NFIB: variants seen among roughly 807,000 people sequenced by gnomAD.
The protein encoded by NFIB is nuclear factor I B.
In NFIB, 11 loss-of-function variants were observed where a neutral mutation model predicts 61.5. The observed-to-expected ratio is 0.18, with a 90% CI of 0.11 to 0.30. The LOEUF (loss-of-function observed/expected upper bound fraction) is 0.30. Among genes scored for constraint, NFIB ranks in the 10% least tolerant of loss-of-function variants. The pLI, the probability that NFIB is intolerant of heterozygous loss-of-function variation, is 1.00. For missense variants in NFIB, 471 were observed against 608.9 expected (o/e 0.77, Z 2.38); for synonymous variants, 260 against 216.5 (o/e 1.20, Z -1.76).
chr9:14,291,517 T>C (rs998137318), intron 2 of NFIB, among the ~76,000 whole-genome samples: 2 of 152,200 alleles, frequency 1.3e-5, no homozygotes, highest in Non-Finnish European at 2.9e-5. Context: ...CATTGAAAGT[T>C]GCTTTTTGAA....
chr9:14,123,948 G>A (rs1436182963), intron 7 of NFIB, among the ~76,000 whole-genome samples: 2 of 151,984 alleles, frequency 1.3e-5, no homozygotes, highest in Non-Finnish European at 2.9e-5. Context: ...TCACACTTTA[G>A]CTCAGAACAC....
intron 8 of NFIB, 76 bp from the exon 9 acceptor site, chr9:14,116,422 A>G (rs1008950879): frequency 6.6e-6 from 9 of 1,369,652 alleles, no homozygotes; most frequent in Non-Finnish European, 4.8e-6. Context: ...CACTCAGCAC[A>G]CACGACTGTG....
At chr9:14,291,894 GT>G in intron 2 of NFIB, among the ~76,000 whole-genome samples, 1 of 151,574 alleles carries the variant, frequency 6.6e-6, no homozygotes, top group East Asian at 1.9e-4. Context: ...GGTCCTTTCT[GT>G]TTTTCAACCA....
At chr9:14,509,590 A>C in the NFIB span, among the ~76,000 whole-genome samples, 1 of 152,236 alleles carries the variant, frequency 6.6e-6, no homozygotes, top group Non-Finnish European at 1.5e-5. Flanking sequence ...TGTAGGGAGC[A>C]AACGTATCAA....
chr9:14,527,167 C>T, the NFIB span, among the ~76,000 whole-genome samples: 2 of 151,812 alleles, frequency 1.3e-5, no homozygotes, highest in Non-Finnish European at 2.9e-5. Flanking sequence ...AAATGCAACA[C>T]TAAAGAACAT....
intron 1 of NFIB, among the ~76,000 whole-genome samples, chr9:14,393,146 G>C (rs974287666): frequency 7.9e-5 from 12 of 151,870 alleles, no homozygotes; most frequent in African/African-American, 2.9e-4. Flanking sequence ...TGTAGAGCTC[G>C]GTAATGTTCC....
chr9:14,353,456 T>A (rs950464483), intron 1 of NFIB, among the ~76,000 whole-genome samples: 2 of 152,078 alleles, frequency 1.3e-5, no homozygotes, highest in Admixed American at 1.3e-4. Flanking sequence ...GAGAGGGGTC[T>A]CTGAACTGCT....
At chr9:14,413,462 T>C in the NFIB span, among the ~76,000 whole-genome samples, 1 of 152,280 alleles carries the variant, frequency 6.6e-6, no homozygotes, top group South Asian at 2.1e-4. Context: ...TGATTTCAGA[T>C]CCCTTATTGG....
chr9:14,427,207 A>ATGCC, the NFIB span, among the ~76,000 whole-genome samples: 1 of 152,178 alleles, frequency 6.6e-6, no homozygotes, highest in Non-Finnish European at 1.5e-5. Context: ...GGCAAAGATA[A>ATGCC]TACATTGTTC....
rs201815190 is a variant in NFIB, at chr9:14,234,516, C to T, written c.563-54736G>A. On this transcript the variant is annotated intron_variant, in intron 2 of 10. Transcript: ENST00000380953. ...TCCTGAGTAGCTGGGATTACAGGCA[C>T]GCACCACCACGCCCAGCTAATTTTT... 4.6e-5 allele frequency among the ~76,000 whole-genome samples: 7 copies of T among 151,856 alleles called. No homozygotes were observed. In the East Asian group the frequency reaches 1.2e-3, roughly 25 times the overall value.
At chr9:14,407,303 A>G in the NFIB span, among the ~76,000 whole-genome samples, 1 of 152,238 alleles carries the variant, frequency 6.6e-6, no homozygotes, top group Non-Finnish European at 1.5e-5. Flanking sequence ...AGTCAATAAT[A>G]AAGTCCATAA....
chr9:14,369,395 A>C (rs1044747239), intron 1 of NFIB, among the ~76,000 whole-genome samples: 1 of 152,184 alleles, frequency 6.6e-6, no homozygotes, highest in Non-Finnish European at 1.5e-5. Context: ...TGTATCATTA[A>C]AAGTCATTTG....
intron 2 of NFIB, among the ~76,000 whole-genome samples, chr9:14,212,761 C>T (rs1027783327): frequency 6.6e-6 from 1 of 152,130 alleles, no homozygotes; most frequent in Non-Finnish European, 1.5e-5. Context: ...ACTTATAATG[C>T]TTTAAATGCT....
intron 2 of NFIB, chr9:14,204,295 T>C (rs2049379326): frequency 2.9e-6 from 2 of 694,958 alleles, no homozygotes; most frequent in Non-Finnish European, 5.2e-6. Flanking sequence ...CTCCGGCCCC[T>C]GCTGTCTTGA....
chr9:14,402,446 T>C (rs1394506375), upstream of NFIB, among the ~76,000 whole-genome samples: 1 of 152,224 alleles, frequency 6.6e-6, no homozygotes, highest in African/African-American at 2.4e-5. Context: ...GGTCCTTTTT[T>C]TAATTATGAG....
intron 1 of NFIB, among the ~76,000 whole-genome samples, chr9:14,373,859 A>G (rs1000910962): frequency 5.9e-5 from 9 of 152,224 alleles, no homozygotes; most frequent in Non-Finnish European, 1.2e-4. Context: ...AGGGGCAGCA[A>G]CTGAAGGGTT....
chr9:14,450,138 G>C, the NFIB span, among the ~76,000 whole-genome samples: 1 of 151,826 alleles, frequency 6.6e-6, no homozygotes, highest in Non-Finnish European at 1.5e-5. Flanking sequence ...CACTCCGACA[G>C]GCCCCGGTGT....
chr9:14,134,897 C>CAAAAAAAAAA (rs57014530), intron 6 of NFIB, among the ~76,000 whole-genome samples: 2 of 64,334 alleles, frequency 3.1e-5, no homozygotes, highest in African/African-American at 4.6e-5. Context: ...GACTCTGTCT[C>CAAAAAAAAAA]AAAAAAAAAA....
chr9:14,468,956 TCTAATC>T, the NFIB span, among the ~76,000 whole-genome samples: 1 of 152,104 alleles, frequency 6.6e-6, no homozygotes, highest in African/African-American at 2.4e-5. Flanking sequence ...CCTCCCTCAT[TCTAATC>T]CTAACCGTGT....
Sources: allele counts gnomAD v4.1 joint callset (sites outside exome capture counted in the v4.1 genomes callset), GRCh38; gene constraint gnomAD v4.1.1; transcripts MANE v1.5; gene names NCBI Gene and HGNC (gene_info 2026-07-23, HGNC 2026-07-21).